The following DOCK8 variants were observed in gnomAD, a reference collection of about 807,000 sequenced individuals.
The protein encoded by DOCK8 is dedicator of cytokinesis protein 8.
DOCK8 carries 141 observed loss-of-function variants against 245.6 expected under a neutral mutation model. That is an observed-to-expected ratio of 0.57 (90% CI 0.50 to 0.66). DOCK8 has a LOEUF of 0.66. DOCK8 is among the 30% of genes least tolerant of loss of function. DOCK8 has a pLI of 0.00. For synonymous variants in DOCK8, 1,168 were observed against 970.2 expected, an observed-to-expected ratio of 1.20 and a Z score of -3.79; for missense variants, 2,965 against 2,603.4, an observed-to-expected ratio of 1.14 and a Z score of -3.02.
At chr9:216,813 C>A (rs761286056) in intron 1 of DOCK8, among the ~76,000 whole-genome samples, 2 of 151,974 alleles carry the variant, frequency 1.3e-5, no homozygotes, top group Non-Finnish European at 2.9e-5. Flanking sequence ...GGTGAGTGGC[C>A]GAGACCCGGA....
At chr9:365,566 AGAG>A (rs1401283172) in intron 14 of DOCK8, 5 of 453,062 alleles carry the variant, frequency 1.1e-5, no homozygotes, top group Non-Finnish European at 1.8e-5. Flanking sequence ...TTATCTGTTC[AGAG>A]AAGGCTTTTT....
intron 30 of DOCK8, among the ~76,000 whole-genome samples, chr9:419,133 T>C (rs552594743): frequency 2.6e-5 from 4 of 152,348 alleles, no homozygotes; most frequent in African/African-American, 9.6e-5. Flanking sequence ...TCCTCCAATG[T>C]CATTTACTTT....
At chr9:405,366 G>A (rs1212755508) in intron 27 of DOCK8, among the ~76,000 whole-genome samples, 1 of 152,160 alleles carries the variant, frequency 6.6e-6, no homozygotes, top group Admixed American at 6.5e-5. Context: ...ATCTTCCTTT[G>A]TCTGACATTA....
chr9:303,394 A>G (rs1226213747), intron 4 of DOCK8, among the ~76,000 whole-genome samples: 1 of 152,264 alleles, frequency 6.6e-6, no homozygotes, highest in East Asian at 1.9e-4. Flanking sequence ...CTAGATGCCC[A>G]TCGACAGTGG....
intron 6 of DOCK8, chr9:312,863 A>G (rs937840570): frequency 2.7e-5 from 5 of 184,126 alleles, no homozygotes; most frequent in Non-Finnish European, 2.3e-5. Context: ...GCGTGAGGTT[A>G]TCTACACTTC....
At chr9:352,422 C>T (rs564527969) in intron 14 of DOCK8, among the ~76,000 whole-genome samples, 2 of 152,234 alleles carry the variant, frequency 1.3e-5, no homozygotes, top group South Asian at 2.1e-4. Context: ...GCATGAGAAT[C>T]GGCATCCCAG....
chr9:395,529 C>CGTT (rs2054407682), intron 24 of DOCK8, among the ~76,000 whole-genome samples: 1 of 105,104 alleles, frequency 9.5e-6, no homozygotes, highest in African/African-American at 4.1e-5. Flanking sequence ...CTTCCAGTGC[C>CGTT]ATTAGTAGTA....
At chr9:335,842 C>G (rs1006671753) in intron 11 of DOCK8, among the ~76,000 whole-genome samples, 1 of 152,130 alleles carries the variant, frequency 6.6e-6, no homozygotes, top group Admixed American at 6.5e-5. Context: ...AATTCAACAT[C>G]ATGGTAAGAA....
intron 1 of DOCK8, among the ~76,000 whole-genome samples, chr9:268,687 C>T (rs1258380085): frequency 2.0e-5 from 3 of 152,142 alleles, no homozygotes; most frequent in African/African-American, 4.8e-5. Flanking sequence ...ACACAGCAGT[C>T]GCAGGAGAAG....
intron 14 of DOCK8, among the ~76,000 whole-genome samples, chr9:360,402 G>T (rs1412303286): frequency 1.3e-5 from 2 of 151,684 alleles, no homozygotes; most frequent in Non-Finnish European, 2.9e-5. Context: ...CATACCCAAG[G>T]CATTTTTAAG....
chr9:215,346 G>T, intron 1 of DOCK8: 2 of 1,602,238 alleles, frequency 1.2e-6, no homozygotes, highest in Non-Finnish European at 1.7e-6. Context: ...GGTCCCAGAA[G>T]GGTGATAGGC....
chr9:440,906 T>A lies in DOCK8; in HGVS notation c.5224-380T>A, dbSNP rs185870649. On this transcript the variant is annotated intron_variant, in intron 40 of 47. Transcript: ENST00000432829. ...ATGCTACCACACCTGGCTGATTTTT[T>A]AATTTTTTTGCAGAGATGGGGTCTC... Among the ~76,000 whole-genome samples, 851 of 152,214 alleles carry A rather than the reference T, an allele frequency of 5.6e-3. 12 individuals carry two copies. Among genetic ancestry groups the A allele is most frequent in the East Asian group, 0.041 (213 of 5,174 alleles).
In DOCK8 at chr9:434,829, C is replaced by G; in HGVS notation, c.4933C>G (p.Leu1645Val). 1 of 1,614,170 alleles carries G rather than the reference C, an allele frequency of 6.2e-7. No individual in the cohort carries two copies. The highest frequency in any genetic ancestry group is 8.5e-7 in the Non-Finnish European group (1 of 1,180,046). Residue 1645 changes from leucine (L) to valine (V), a missense_variant, in exon 39 of 48, where the codon CTC becomes GTC. Leu to Val is a conservative substitution (Grantham distance 32). Coordinates refer to ENST00000432829, the MANE Select transcript of DOCK8 (RefSeq NM_203447.4). ...ATCTCCTGATCTGCGGCTGACCTGG[C>G]TCCAGAACATGGCAGAGAAACACAC... ...QASPDLRLTW[L>V]QNMAEKHTKK... is the part of the protein sequence containing the mutation.
intron 4 of DOCK8, among the ~76,000 whole-genome samples, chr9:295,132 C>T (rs904911429): frequency 4.0e-5 from 6 of 151,618 alleles, no homozygotes; most frequent in Admixed American, 1.3e-4. Flanking sequence ...TGTACTCCAG[C>T]CTGGGCAACA....
chr9:418,688 G>A (rs1025377278), intron 30 of DOCK8, among the ~76,000 whole-genome samples: 4 of 152,226 alleles, frequency 2.6e-5, no homozygotes, highest in Admixed American at 6.5e-5. Context: ...GTCAGAAAGG[G>A]TTCTGGCAAC....
chr9:459,848 C>G (rs2057749476), intron 46 of DOCK8: 1 of 152,218 alleles, frequency 6.6e-6, no homozygotes, highest in Non-Finnish European at 1.5e-5. Flanking sequence ...CTAGACTTGT[C>G]ACAGGATGGT....
chr9:428,467 T>G lies in DOCK8; in HGVS notation c.4444T>G (p.Phe1482Val). 1 of 1,614,198 alleles carries G rather than the reference T, an allele frequency of 6.2e-7. No homozygotes were observed. The highest frequency in any genetic ancestry group is 1.1e-5 in the South Asian group (1 of 91,082). The change falls in exon 35 of 48, where the codon TTT (phenylalanine) becomes GTT (valine). Residue 1482 changes from phenylalanine to valine, a missense_variant. By Grantham distance (50) the Phe-to-Val change is conservative. This residue lies in a region of DOCK8 where 2,825 missense variants were observed against 2,453.5 expected (regional missense o/e 1.15). Transcript: ENST00000432829. Reference protein sequence around the residue: ...DQSTTYLTHCFATLRALIAKF... With the variant: ...DQSTTYLTHCVATLRALIAKF... ...GAGTACCACCTACCTGACTCACTGC[T>G]TTGCAACACTCCGTGCTCTCATCGC... is the stretch of plus-strand genomic sequence containing the variant.
At chr9:455,055 C>T (rs1269586043) in intron 46 of DOCK8, among the ~76,000 whole-genome samples, 1 of 152,226 alleles carries the variant, frequency 6.6e-6, no homozygotes, top group Non-Finnish European at 1.5e-5. Flanking sequence ...AAGTTGTTCT[C>T]CTACCCTTTT....
intron 14 of DOCK8, chr9:340,662 G>A (rs79724766): frequency 0.06 from 13,150 of 219,806 alleles, 726 homozygotes; most frequent in African/African-American, 0.16. Context: ...TTGGAAAACC[G>A]TTGAGCTCAC....
Sources: gnomAD v4.1 joint callset for allele counts (sites outside exome capture counted in the v4.1 genomes callset) on GRCh38, gnomAD v4.1.1 for gene constraint, gnomAD v4.1.1 regional missense constraint, MANE v1.5 for transcripts, NCBI Gene and HGNC (gene_info 2026-07-23, HGNC 2026-07-21) for gene names.